Variants in RAI14 observed in about 807,000 individuals in gnomAD.
RAI14 encodes the protein ankycorbin.
A neutral mutation model predicts 115.4 loss-of-function variants in RAI14; 45 were observed. The observed-to-expected ratio is 0.39, with a 90% confidence interval of 0.31 to 0.50. The LOEUF (loss-of-function observed/expected upper bound fraction) is 0.50. Ranked by LOEUF, RAI14 falls within the 20% of genes least tolerant of loss-of-function variation. The pLI is 0.85. For missense variants in RAI14, 939 were observed against 1,131.2 expected, an observed-to-expected ratio of 0.83 and a Z score of 2.44; for synonymous variants, 371 against 415.4, an observed-to-expected ratio of 0.89 and a Z score of 1.30.
At chr5:34,797,787 A>T (rs1316299610) in intron 4 of RAI14, among the ~76,000 whole-genome samples, 1 of 152,196 alleles carries the variant, frequency 6.6e-6, no homozygotes, top group Non-Finnish European at 1.5e-5. Flanking sequence ...ATGGTGCAGT[A>T]TGATTTGCTA....
rs1489307580 is a variant in RAI14 at position 34,824,934 on chromosome 5, C to G, written c.2649+443C>G. ...ACTCCAGCCTGGGCAACAGAGTGAA[C>G]AGACTTCATCTCAAAAAAAAAAAAA... On this transcript the variant is annotated intron_variant, in intron 15 of 17. Transcript: ENST00000265109. Among the ~76,000 whole-genome samples, 22 of 102,862 alleles carry G rather than the reference C, an allele frequency of 2.1e-4. No individual in the cohort carries two copies. The Admixed American group carries it at 3.1e-3, about 15-fold the overall frequency. The allele number at this position is 102,862 out of a possible 152,430, so 67.5% of individuals were successfully genotyped here.
chr5:34,660,337 C>T (rs1197561812), intron 1 of RAI14, among the ~76,000 whole-genome samples: 1 of 152,152 alleles, frequency 6.6e-6, no homozygotes, highest in African/African-American at 2.4e-5. Context: ...GAGGCTAAGG[C>T]AGATGAATCG....
At chr5:34,680,947 C>T (rs1398899521) in intron 1 of RAI14, among the ~76,000 whole-genome samples, 2 of 152,208 alleles carry the variant, frequency 1.3e-5, no homozygotes, top group African/African-American at 4.8e-5. Flanking sequence ...TAGAACAGTA[C>T]AAATCTGCTG....
intron 2 of RAI14, among the ~76,000 whole-genome samples, chr5:34,703,761 C>T (rs140307998): frequency 1.6e-3 from 237 of 152,270 alleles, no homozygotes; most frequent in African/African-American, 5.5e-3. Context: ...AAATTTTCTC[C>T]TGGGCTGTAG....
At chr5:34,754,516 C>A (rs1047383824) in intron 2 of RAI14, among the ~76,000 whole-genome samples, 3 of 150,422 alleles carry the variant, frequency 2.0e-5, no homozygotes, top group Admixed American at 6.6e-5. Context: ...TTATGAGCTA[C>A]CACGCCCAGG....
intron 1 of RAI14, among the ~76,000 whole-genome samples, chr5:34,668,329 G>A (rs1743370722): frequency 6.6e-6 from 1 of 151,712 alleles, no homozygotes; most frequent in African/African-American, 2.4e-5. Context: ...GGGAAGCGGA[G>A]GTTGCACTGA....
intron 4 of RAI14, among the ~76,000 whole-genome samples, chr5:34,797,437 T>C (rs1753676928): frequency 8.1e-6 from 1 of 122,788 alleles, no homozygotes; most frequent in Non-Finnish European, 1.9e-5. Flanking sequence ...CCTTTGAGAA[T>C]AGGGTTTTTT....
rs1172908394 is a variant in RAI14, at chr5:34,824,428, A to C, written c.2586A>C (p.Glu862Asp). 6.2e-7 allele frequency: 1 copy of C among 1,605,544 alleles called. No individual in the cohort carries two copies. Among genetic ancestry groups the C allele is most frequent in the Non-Finnish European group, 8.5e-7 (1 of 1,174,242 alleles). Reference protein sequence around the residue: ...LLQKFQQAQEELAEMKRYAES... With the variant: ...LLQKFQQAQEDLAEMKRYAES... ...AAAAATTCCAGCAAGCTCAGGAAGA[A>C]CTTGCAGAAATGAAAAGATACGCTG... is the stretch of plus-strand genomic sequence containing the variant. Residue 862 changes from glutamate to aspartate, a missense_variant, in exon 15 of 18, where the codon GAA (glutamate) becomes GAC (aspartate). Glu to Asp is a conservative substitution (Grantham distance 45). Coordinates refer to ENST00000265109, the MANE Select transcript of RAI14 (RefSeq NM_015577.3).
intron 3 of RAI14, among the ~76,000 whole-genome samples, chr5:34,768,590 A>G (rs1749733858): frequency 6.6e-6 from 1 of 152,208 alleles, no homozygotes; most frequent in Non-Finnish European, 1.5e-5. Context: ...AATACAACAT[A>G]GAAATCATTT....
chr5:34,748,634 T>C (rs957261881), intron 2 of RAI14, among the ~76,000 whole-genome samples: 1 of 152,118 alleles, frequency 6.6e-6, no homozygotes. Context: ...TATTTTGCAT[T>C]GTTGGCGTAT....
intron 1 of RAI14, among the ~76,000 whole-genome samples, chr5:34,673,112 A>C (rs974650971): frequency 2.0e-5 from 3 of 152,170 alleles, no homozygotes; most frequent in African/African-American, 4.8e-5. Context: ...AAAATCATTT[A>C]ATGCTATTCA....
In RAI14 at chr5:34,770,766, C is replaced by A. The variant is rs141190584; in HGVS notation, c.167+13168C>A. Among the ~76,000 whole-genome samples the A allele has an allele frequency of 9.9e-5, 15 of 152,120 alleles. 1 individual carries two copies. The East Asian group carries it at 2.7e-3, about 27-fold the overall frequency. On this transcript the variant is annotated intron_variant, in intron 3 of 17. Transcript: ENST00000265109. ...AGGTCAAAAGGGAGCCAGGACACTG[C>A]GTGTAGAGCCTTGTATGCTACAGGA...
chr5:34,818,250 G>A (rs931106038), intron 12 of RAI14, among the ~76,000 whole-genome samples: 1 of 152,262 alleles, frequency 6.6e-6, no homozygotes, highest in African/African-American at 2.4e-5. Context: ...CAAAGCATTA[G>A]AGAAAATCTT....
At chr5:34,675,580 G>A (rs1471853076) in intron 1 of RAI14, among the ~76,000 whole-genome samples, 2 of 151,936 alleles carry the variant, frequency 1.3e-5, no homozygotes, top group African/African-American at 2.4e-5. Flanking sequence ...CAGAGACTCT[G>A]TTTCTACAAG....
At chr5:34,797,522 A>G (rs1308575313) in intron 4 of RAI14, among the ~76,000 whole-genome samples, 4 of 152,138 alleles carry the variant, frequency 2.6e-5, no homozygotes. Flanking sequence ...TGGTAAAACC[A>G]TTTTTGGTCA....
intron 3 of RAI14, 160 bp downstream of exon 3, chr5:34,757,758 T>C (rs1580155553): frequency 1.0e-6 from 1 of 983,642 alleles, no homozygotes; most frequent in East Asian, 3.0e-5. Flanking sequence ...TCTCTCCAAA[T>C]TCCAAGTCAC....
chr5:34,760,251 G>A (rs1748454513), intron 3 of RAI14, among the ~76,000 whole-genome samples: 1 of 152,138 alleles, frequency 6.6e-6, no homozygotes, highest in South Asian at 2.1e-4. Flanking sequence ...GTTTCACCAT[G>A]TTGGCCAGGA....
chr5:34,691,927 A>C (rs1210866468), intron 2 of RAI14, among the ~76,000 whole-genome samples: 1 of 152,204 alleles, frequency 6.6e-6, no homozygotes, highest in East Asian at 1.9e-4. Context: ...AGAACCAGGC[A>C]TATCCTGCTC....
At chr5:34,679,541 C>T (rs984427091) in intron 1 of RAI14, among the ~76,000 whole-genome samples, 4 of 152,138 alleles carry the variant, frequency 2.6e-5, no homozygotes, top group African/African-American at 9.7e-5. Context: ...GCCCATAGTT[C>T]TAGAATCAGG....
Sources: allele counts gnomAD v4.1 joint callset (sites outside exome capture counted in the v4.1 genomes callset), GRCh38; gene constraint gnomAD v4.1.1; transcripts MANE v1.5; gene names NCBI Gene and HGNC (gene_info 2026-07-23, HGNC 2026-07-21).